The following GPC5 variants were observed in gnomAD, a reference collection of about 807,000 sequenced individuals.
GPC5 encodes glypican-5.
A neutral mutation model predicts 53.9 loss-of-function variants in GPC5; 47 were observed. The observed-to-expected ratio is 0.87, with a 90% CI of 0.69 to 1.11. The LOEUF is 1.11. Ranked by LOEUF, GPC5 falls within the 50% of genes most tolerant of loss-of-function variation. GPC5 has a pLI of 0.00. For synonymous variants in GPC5, 286 were observed against 263.3 expected (o/e 1.09, Z -0.84); for missense variants, 748 against 713.1 (o/e 1.05, Z -0.56).
chr13:92,597,457 C>T (rs753656808), intron 7 of GPC5, among the ~76,000 whole-genome samples: 7 of 151,974 alleles, frequency 4.6e-5, no homozygotes, highest in Non-Finnish European at 8.8e-5. Context: ...CTGACATCCT[C>T]CCAGCTAAAG....
chr13:91,647,328 C>A (rs1438877070), intron 2 of GPC5, among the ~76,000 whole-genome samples: 2 of 152,272 alleles, frequency 1.3e-5, no homozygotes, highest in East Asian at 3.9e-4. Context: ...CCACGCTTGA[C>A]CCTGTTATTA....
In GPC5 at chr13:91,551,953, G is replaced by C. The variant is rs534730985; in HGVS notation, c.325+103031G>C. Among the ~76,000 whole-genome samples the C allele has an allele frequency of 6.0e-4, 91 of 152,102 alleles. 1 individual carries two copies. The highest frequency in any genetic ancestry group is 2.1e-3 in the African/African-American group (89 of 41,510). On this transcript the variant is annotated intron_variant, in intron 2 of 7. Coordinates refer to ENST00000377067, the MANE Select transcript of GPC5 (RefSeq NM_004466.6). The stretch of plus-strand genomic sequence containing the variant: ...TAGTAAGTACATATTTTACATACTG[G>C]TAAGTGATTTAGACTAATACATGAA...
Position 92,821,870 on chromosome 13 carries a change from A to T in GPC5, c.1562-44412A>T, listed in dbSNP as rs72642609. On this transcript the variant is annotated intron_variant, in intron 7 of 7. Transcript: ENST00000377067. The stretch of plus-strand genomic sequence containing the variant: ...AAGTTTAGAAATGAGCTCACAAAAG[A>T]TGTTATTGTAAGCCAGAGATTTTGT... 9.6e-3 allele frequency among the ~76,000 whole-genome samples: 1,467 copies of T among 152,298 alleles called. 17 individuals are homozygous for T. Among genetic ancestry groups the T allele is most frequent in the Non-Finnish European group, 0.014 (964 of 68,012 alleles).
chr13:92,224,482 G>A (rs1166871022), intron 7 of GPC5, among the ~76,000 whole-genome samples: 1 of 152,196 alleles, frequency 6.6e-6, no homozygotes, highest in Non-Finnish European at 1.5e-5. Context: ...TCAGAAACAG[G>A]CCTGCCTGCA....
At chr13:91,775,594 A>G (rs986817772) in intron 5 of GPC5, among the ~76,000 whole-genome samples, 1 of 152,042 alleles carries the variant, frequency 6.6e-6, no homozygotes, top group Non-Finnish European at 1.5e-5. Flanking sequence ...TCATATCTCT[A>G]TGGTTTGGGG....
At chr13:91,612,329 G>A (rs2033577333) in intron 2 of GPC5, among the ~76,000 whole-genome samples, 1 of 152,146 alleles carries the variant, frequency 6.6e-6, no homozygotes, top group Admixed American at 6.5e-5. Context: ...GCCATCATCA[G>A]TGGTTGGGCA....
chr13:91,765,421 G>T (rs1416835572), intron 5 of GPC5, among the ~76,000 whole-genome samples: 1 of 152,230 alleles, frequency 6.6e-6, no homozygotes, highest in Non-Finnish European at 1.5e-5. Context: ...AAAGTGAGGG[G>T]TGTATGCCAT....
chr13:91,505,772 G>A (rs1884906214), intron 2 of GPC5, among the ~76,000 whole-genome samples: 2 of 152,126 alleles, frequency 1.3e-5, no homozygotes, highest in Non-Finnish European at 2.9e-5. Context: ...ATCCATAAGT[G>A]TATGGATGTA....
At chr13:92,828,365 G>A (rs995932179) in intron 7 of GPC5, among the ~76,000 whole-genome samples, 3 of 152,072 alleles carry the variant, frequency 2.0e-5, no homozygotes, top group African/African-American at 7.2e-5. Flanking sequence ...GTTTTTACTT[G>A]GTTATTTTAA....
intron 6 of GPC5, among the ~76,000 whole-genome samples, chr13:92,034,599 A>G (rs192267456): frequency 6.6e-6 from 1 of 152,310 alleles, no homozygotes; most frequent in East Asian, 1.9e-4. Flanking sequence ...TTTGATAGGA[A>G]TGGATACAAT....
intron 7 of GPC5, among the ~76,000 whole-genome samples, chr13:92,279,230 C>T (rs2042896480): frequency 6.6e-6 from 1 of 151,922 alleles, no homozygotes; most frequent in Non-Finnish European, 1.5e-5. Flanking sequence ...GTGTGCATAC[C>T]TTGCACTTCC....
At chr13:92,401,139 A>G (rs1875538297) in intron 7 of GPC5, among the ~76,000 whole-genome samples, 1 of 149,826 alleles carries the variant, frequency 6.7e-6, no homozygotes, top group South Asian at 2.1e-4. Flanking sequence ...ACTGGCTACT[A>G]TTTTTTTTGT....
At chr13:92,837,709 G>A (rs142742744) in intron 7 of GPC5, among the ~76,000 whole-genome samples, 5 of 152,220 alleles carry the variant, frequency 3.3e-5, no homozygotes, top group Admixed American at 3.3e-4. Context: ...TAAAACTACC[G>A]GTAGGAGGAA....
At chr13:92,825,859 T>A (rs1470339853) in intron 7 of GPC5, among the ~76,000 whole-genome samples, 1 of 152,186 alleles carries the variant, frequency 6.6e-6, no homozygotes, top group Non-Finnish European at 1.5e-5. Flanking sequence ...TTTTACTCAA[T>A]GCTGTGTTTT....
At chr13:91,776,003 C>A (rs1482916523) in intron 5 of GPC5, among the ~76,000 whole-genome samples, 2 of 152,234 alleles carry the variant, frequency 1.3e-5, no homozygotes, top group African/African-American at 2.4e-5. Flanking sequence ...TCTTTCCCAT[C>A]TTTGTCCCCA....
At position 92,499,021 on chromosome 13, in the gene GPC5, C is replaced by T. The variant is rs192707545; in HGVS notation, c.1561+354032C>T. 5.0e-3 allele frequency among the ~76,000 whole-genome samples: 758 copies of T among 151,972 alleles called. 3 individuals are homozygous for T. Among genetic ancestry groups the T allele is most frequent in the Non-Finnish European group, 7.7e-3 (526 of 67,986 alleles). ...AAAGATACTAGAAACCTCTTCCCCC[C>T]ACTTCATCCTAAGTAGTAGAGTGTG... On this transcript the variant is annotated intron_variant, in intron 7 of 7. Transcript: ENST00000377067.
intron 7 of GPC5, among the ~76,000 whole-genome samples, chr13:92,387,694 G>A (rs912102806): frequency 3.3e-5 from 5 of 152,138 alleles, no homozygotes; most frequent in African/African-American, 1.2e-4. Flanking sequence ...AATTAAGCAA[G>A]TGGCACTGGA....
At chr13:92,278,899 C>A (rs1485911356) in intron 7 of GPC5, among the ~76,000 whole-genome samples, 1 of 152,028 alleles carries the variant, frequency 6.6e-6, no homozygotes, top group Non-Finnish European at 1.5e-5. Context: ...GTCTATCCTT[C>A]TGCTAGTACT....
intron 6 of GPC5, among the ~76,000 whole-genome samples, chr13:92,112,444 G>T (rs910607619): frequency 2.6e-5 from 4 of 152,098 alleles, no homozygotes; most frequent in Non-Finnish European, 5.9e-5. Context: ...TAATGGAAAA[G>T]ATAATTCTTG....
Sources: allele counts gnomAD v4.1 joint callset (sites outside exome capture counted in the v4.1 genomes callset), GRCh38; gene constraint gnomAD v4.1.1; transcripts MANE v1.5; gene names NCBI Gene and HGNC (gene_info 2026-07-23, HGNC 2026-07-21).